Variants in ARHGAP6 observed in about 807,000 individuals in gnomAD.
ARHGAP6 encodes Rho GTPase activating protein 6.
A neutral mutation model predicts 55.7 loss-of-function variants in ARHGAP6; 16 were observed. The ratio of observed to expected loss-of-function variants is 0.29; its 90% CI spans 0.19 to 0.44. ARHGAP6 has a LOEUF of 0.44. ARHGAP6 is among the 20% of genes least tolerant of loss of function. The pLI is 1.00. For missense variants in ARHGAP6, 698 were observed against 808.9 expected, an observed-to-expected ratio of 0.86 and a Z score of 1.66; for synonymous variants, 382 against 360.9, an observed-to-expected ratio of 1.06 and a Z score of -0.66.
chrX:11,515,056 C>T (rs946068324), intron 1 of ARHGAP6, among the ~76,000 whole-genome samples: 5 of 111,524 alleles, frequency 4.5e-5, no homozygotes, highest in African/African-American at 1.3e-4. Context: ...TGGAGCACAA[C>T]GTTGAAAAAG....
At chrX:11,570,487 T>C (rs186548959) in intron 1 of ARHGAP6, among the ~76,000 whole-genome samples, 97 of 111,310 alleles carry the variant, frequency 8.7e-4, no homozygotes, top group Non-Finnish European at 1.2e-3. Flanking sequence ...TGGGGGTGGT[T>C]AGAAATTATT....
chrX:11,195,633 G>A, intron 3 of ARHGAP6, among the ~76,000 whole-genome samples: 1 of 110,324 alleles, frequency 9.1e-6, no homozygotes, highest in African/African-American at 3.3e-5. Context: ...CACAAAGAAG[G>A]GAACAAGACA....
chrX:11,370,479 C>A (rs977798518), intron 1 of ARHGAP6, among the ~76,000 whole-genome samples: 1 of 111,671 alleles, frequency 9.0e-6, no homozygotes, highest in Non-Finnish European at 1.9e-5. Context: ...GATGTCAGTC[C>A]TAATGTAGGA....
chrX:11,180,263 C>T (rs2046297187), intron 6 of ARHGAP6, among the ~76,000 whole-genome samples: 2 of 111,326 alleles, frequency 1.8e-5, no homozygotes, highest in African/African-American at 3.3e-5. Context: ...CTCAACTTTT[C>T]GTATGCATTG....
At chrX:11,408,532 C>G (rs1044382954) in intron 1 of ARHGAP6, among the ~76,000 whole-genome samples, 2 of 110,954 alleles carry the variant, frequency 1.8e-5, no homozygotes, top group Non-Finnish European at 3.8e-5. Flanking sequence ...ACGGAAGCAC[C>G]CTTAGCCATA....
intron 1 of ARHGAP6, among the ~76,000 whole-genome samples, chrX:11,547,245 AAG>A (rs2051220681): frequency 8.9e-6 from 1 of 112,409 alleles, no homozygotes; most frequent in Non-Finnish European, 1.9e-5. Context: ...ATGACAGCAG[AAG>A]GAAAACAGGG....
intron 1 of ARHGAP6, among the ~76,000 whole-genome samples, chrX:11,554,043 T>C (rs979121444): frequency 8.9e-6 from 1 of 112,494 alleles, no homozygotes; most frequent in South Asian, 3.7e-4. Context: ...CTTTTAAGAA[T>C]CATCCTGTTC....
chrX:11,592,470 T>G (rs2051847144), intron 1 of ARHGAP6, among the ~76,000 whole-genome samples: 1 of 111,791 alleles, frequency 8.9e-6, no homozygotes, highest in African/African-American at 3.3e-5. Context: ...AGAATACAGA[T>G]GAAGCTCTGG....
At chrX:11,176,232 CAT>C (rs746195419) in intron 8 of ARHGAP6, among the ~76,000 whole-genome samples, 3,805 of 23,825 alleles carry the variant, frequency 0.16, 276 homozygotes, top group Middle Eastern at 0.37. Flanking sequence ...AGAGGATTTG[CAT>C]ATATATATAT....
chrX:11,569,598 C>T (rs1054207569), intron 1 of ARHGAP6, among the ~76,000 whole-genome samples: 2 of 112,097 alleles, frequency 1.8e-5, no homozygotes, highest in South Asian at 3.7e-4. Flanking sequence ...GCATTTCCAT[C>T]GCTGACTTCT....
intron 1 of ARHGAP6, among the ~76,000 whole-genome samples, chrX:11,552,343 A>G (rs930909068): frequency 9.4e-6 from 1 of 106,933 alleles, no homozygotes; most frequent in Non-Finnish European, 1.9e-5. Flanking sequence ...TGAACAGCCA[A>G]TATGGAAAAC....
chrX:11,505,200 T>C (rs1055932659), intron 1 of ARHGAP6, among the ~76,000 whole-genome samples: 4 of 111,063 alleles, frequency 3.6e-5, no homozygotes, highest in Non-Finnish European at 7.5e-5. Context: ...GCAGGTTGTG[T>C]TCCCCTTGTT....
At chrX:11,343,312 T>C (rs1044234148) in intron 1 of ARHGAP6, among the ~76,000 whole-genome samples, 2 of 112,497 alleles carry the variant, frequency 1.8e-5, no homozygotes, top group African/African-American at 3.2e-5. Flanking sequence ...ACTAGGCTTG[T>C]TCTTAAGCAA....
At chrX:11,499,885 T>A (rs1472729384) in intron 1 of ARHGAP6, among the ~76,000 whole-genome samples, 1 of 111,859 alleles carries the variant, frequency 8.9e-6, no homozygotes, top group Non-Finnish European at 1.9e-5. Context: ...CTGGAAACAA[T>A]CTTGAGACAG....
At chrX:11,179,643 G>A (rs1446554775) in intron 6 of ARHGAP6, among the ~76,000 whole-genome samples, 191 bp from the exon 7 acceptor site, 1 of 107,199 alleles carries the variant, frequency 9.3e-6, no homozygotes, top group African/African-American at 3.4e-5. Context: ...GTGTGTGTGT[G>A]TGTGTATACA....
intron 1 of ARHGAP6, among the ~76,000 whole-genome samples, chrX:11,329,470 A>C (rs2048536538): frequency 8.9e-6 from 1 of 112,135 alleles, no homozygotes; most frequent in South Asian, 3.7e-4. Context: ...GTTTTAATGA[A>C]TTGATTAGTT....
At chrX:11,559,145 C>CACCCA (rs1185158033) in intron 1 of ARHGAP6, among the ~76,000 whole-genome samples, 1 of 108,858 alleles carries the variant, frequency 9.2e-6, no homozygotes, top group Admixed American at 1.0e-4. Context: ...AGGTCATGGC[C>CACCCA]CCCTGGTGGC....
At chrX:11,159,367 G>C (rs2045908887) in intron 9 of ARHGAP6, among the ~76,000 whole-genome samples, 2 of 111,598 alleles carry the variant, frequency 1.8e-5, no homozygotes, top group Admixed American at 1.9e-4. Context: ...AGCAGAGAGG[G>C]CCTGCTGATC....
chrX:11,175,644 C>T (rs2046201396), intron 8 of ARHGAP6, among the ~76,000 whole-genome samples: 1 of 111,534 alleles, frequency 9.0e-6, no homozygotes, highest in Non-Finnish European at 1.9e-5. Flanking sequence ...ATTTTGAACC[C>T]TTCTCCTCAG....
Sources: allele counts gnomAD v4.1 joint callset (sites outside exome capture counted in the v4.1 genomes callset), GRCh38; gene constraint gnomAD v4.1.1; transcripts MANE v1.5; gene names NCBI Gene and HGNC (gene_info 2026-07-23, HGNC 2026-07-21).